NOX4: variants seen among roughly 807,000 people sequenced by gnomAD.
NOX4 encodes the protein kidney oxidase-1.
Under a neutral mutation model 87.6 loss-of-function variants are expected in NOX4, and 69 were observed. The observed-to-expected ratio is 0.79, with a 90% CI of 0.65 to 0.96. The LOEUF is 0.96. NOX4 is among the 40% of genes least tolerant of loss of function. The probability of loss-of-function intolerance (pLI) is 0.00; values close to 1 mark genes in which losing one functional copy is unlikely to be tolerated. For synonymous variants in NOX4, 275 were observed against 238.2 expected (o/e 1.15, Z -1.42); for missense variants, 680 against 681.5 (o/e 1.00, Z 0.02).
At chr11:89,371,125 G>A (rs1410245510) in intron 12 of NOX4, among the ~76,000 whole-genome samples, 1 of 151,922 alleles carries the variant, frequency 6.6e-6, no homozygotes, top group Non-Finnish European at 1.5e-5. Flanking sequence ...TGATTTTGAA[G>A]GTAATGCTCC....
chr11:89,469,513 C>T (rs1427040316), intron 2 of NOX4, among the ~76,000 whole-genome samples: 1 of 152,126 alleles, frequency 6.6e-6, no homozygotes, highest in African/African-American at 2.4e-5. Flanking sequence ...CATACAAAGC[C>T]TAATTCTTTA....
At chr11:89,540,786 T>TAAAAAAAAA in the NOX4 span, among the ~76,000 whole-genome samples, 34 of 43,518 alleles carry the variant, frequency 7.8e-4, 1 homozygote, top group East Asian at 2.3e-3. Context: ...AGACTCCGTC[T>TAAAAAAAAA]AAAAAAAAAA....
At chr11:89,392,516 G>A (rs186974056) in intron 11 of NOX4, among the ~76,000 whole-genome samples, 3 of 152,222 alleles carry the variant, frequency 2.0e-5, no homozygotes, top group South Asian at 4.1e-4. Context: ...ACAATGTACT[G>A]TTCTTATTTC....
chr11:89,534,999 A>G, the NOX4 span, among the ~76,000 whole-genome samples: 1 of 152,224 alleles, frequency 6.6e-6, no homozygotes, highest in Admixed American at 6.5e-5. Flanking sequence ...TTAATTTCAT[A>G]AAACTGAAAA....
the NOX4 span, among the ~76,000 whole-genome samples, chr11:89,539,696 G>C: frequency 2.6e-5 from 4 of 152,062 alleles, no homozygotes; most frequent in Non-Finnish European, 5.9e-5. Context: ...AGGGCTCCAA[G>C]AGTCTTTTAA....
chr11:89,567,153 C>T, the NOX4 span, among the ~76,000 whole-genome samples: 51 of 152,300 alleles, frequency 3.3e-4, no homozygotes, highest in African/African-American at 1.2e-3. Context: ...CCCCTGTTTG[C>T]TGGTCCTTCT....
chr11:89,365,107 G>A (rs1283790118), intron 12 of NOX4, among the ~76,000 whole-genome samples: 3 of 151,870 alleles, frequency 2.0e-5, no homozygotes, highest in South Asian at 4.2e-4. Flanking sequence ...AGCTTAGCAG[G>A]GTCATATGCC....
chr11:89,548,252 C>T, the NOX4 span: 4 of 152,194 alleles, frequency 2.6e-5, no homozygotes, highest in East Asian at 3.9e-4. Flanking sequence ...GTTGAGCCCT[C>T]ATTAATGGAA....
intron 11 of NOX4, among the ~76,000 whole-genome samples, chr11:89,392,336 C>T (rs538081237): frequency 3.8e-4 from 58 of 152,222 alleles, no homozygotes; most frequent in Admixed American, 2.9e-3. Flanking sequence ...AGAGTGAAGG[C>T]CCGGGGTGAG....
exon 1 of NOX4, chr11:89,498,186 T>A (rs937416313): frequency 1.3e-5 from 2 of 152,206 alleles, no homozygotes; most frequent in African/African-American, 2.4e-5. Flanking sequence ...AGACTAGAAG[T>A]ACTTTGAGGA....
At chr11:89,385,555 G>A (rs192702816) in intron 11 of NOX4, among the ~76,000 whole-genome samples, 67 of 152,188 alleles carry the variant, frequency 4.4e-4, no homozygotes, top group African/African-American at 1.5e-3. Flanking sequence ...ATTTCATAAC[G>A]TCTTTCATGT....
the NOX4 span, among the ~76,000 whole-genome samples, chr11:89,524,569 A>G: frequency 5.1e-3 from 776 of 152,256 alleles, 8 homozygotes; most frequent in East Asian, 0.056. Context: ...TGAGGTTCAC[A>G]TAAAGTAAAA....
intron 11 of NOX4, among the ~76,000 whole-genome samples, chr11:89,385,365 T>TA (rs1308811980): frequency 6.6e-6 from 1 of 152,140 alleles, no homozygotes; most frequent in Non-Finnish European, 1.5e-5. Flanking sequence ...TTAAGGTAGC[T>TA]AAAAAAGCAG....
chr11:89,534,755 C>G, the NOX4 span, among the ~76,000 whole-genome samples: 1 of 152,200 alleles, frequency 6.6e-6, no homozygotes, highest in East Asian at 1.9e-4. Context: ...TTGCCTGAAA[C>G]CATACCTGAC....
At chr11:89,327,765 T>C (rs1379178072) in intron 17 of NOX4, among the ~76,000 whole-genome samples, 1 of 151,988 alleles carries the variant, frequency 6.6e-6, no homozygotes, top group Non-Finnish European at 1.5e-5. Flanking sequence ...TAGTAAATAC[T>C]GAAAAAAAGT....
intron 11 of NOX4, among the ~76,000 whole-genome samples, chr11:89,387,764 G>A (rs887326752): frequency 1.3e-5 from 2 of 152,116 alleles, no homozygotes; most frequent in African/African-American, 4.8e-5. Context: ...GCTCTCTTAC[G>A]TTAGGGCTTT....
chr11:89,342,596 T>A (rs552520618), intron 13 of NOX4, among the ~76,000 whole-genome samples: 2 of 152,166 alleles, frequency 1.3e-5, no homozygotes, highest in Non-Finnish European at 1.5e-5. Context: ...ATTTTTTCAA[T>A]GGCTAGATCA....
chr11:89,532,564 T>G, the NOX4 span, among the ~76,000 whole-genome samples: 6 of 152,156 alleles, frequency 3.9e-5, no homozygotes, highest in Non-Finnish European at 5.9e-5. Flanking sequence ...AGAAGGGACT[T>G]CCCTTGTCTC....
the NOX4 span, among the ~76,000 whole-genome samples, chr11:89,504,381 C>T: frequency 1.3e-5 from 2 of 151,944 alleles, no homozygotes; most frequent in East Asian, 3.9e-4. Context: ...ACAAAATAGA[C>T]ATGTTTTAAG....
Sources: gnomAD v4.1 joint callset for allele counts (sites outside exome capture counted in the v4.1 genomes callset) on GRCh38, gnomAD v4.1.1 for gene constraint, MANE v1.5 for transcripts, NCBI Gene and HGNC (gene_info 2026-07-23, HGNC 2026-07-21) for gene names.